The following TMEM132D variants were observed in gnomAD, a reference collection of about 807,000 sequenced individuals.
TMEM132D encodes mature OL transmembrane protein.
In TMEM132D, 21 loss-of-function variants were observed where a neutral mutation model predicts 62.3. That is an observed-to-expected ratio of 0.34 (90% CI 0.24 to 0.49). The LOEUF is 0.49. Ranked by LOEUF, TMEM132D falls within the 20% of genes least tolerant of loss-of-function variation. The probability of loss-of-function intolerance (pLI) is 0.99; values close to 1 mark genes in which losing one functional copy is unlikely to be tolerated. For missense variants in TMEM132D, 1,346 were observed against 1,402.8 expected, an observed-to-expected ratio of 0.96 and a Z score of 0.65; for synonymous variants, 621 against 575.6, an observed-to-expected ratio of 1.08 and a Z score of -1.13.
chr12:129,799,419 GTATA>G (rs1871680667), intron 1 of TMEM132D, among the ~76,000 whole-genome samples: 1 of 842 alleles, frequency 1.2e-3, no homozygotes, highest in African/African-American at 4.1e-3. Flanking sequence ...ATATATATGT[GTATA>G]TATGTGTATA....
At chr12:129,367,964 T>G (rs11060279) in intron 3 of TMEM132D, among the ~76,000 whole-genome samples, 55,493 of 151,552 alleles carry the variant, frequency 0.37, 10,479 homozygotes, top group Non-Finnish European at 0.41. Context: ...ATTTGTATTT[T>G]TAGTAGAGAT....
At chr12:129,317,297 AT>A (rs1868520586) in intron 4 of TMEM132D, among the ~76,000 whole-genome samples, 1 of 152,148 alleles carries the variant, frequency 6.6e-6, no homozygotes, top group Non-Finnish European at 1.5e-5. Flanking sequence ...TTGTTTCAAG[AT>A]TTAGAGCTCC....
chr12:129,786,680 C>T (rs994603563), intron 1 of TMEM132D, among the ~76,000 whole-genome samples: 5 of 152,160 alleles, frequency 3.3e-5, no homozygotes, highest in Admixed American at 6.5e-5. Context: ...CACCTGAGGT[C>T]GGGAGTTCGA....
At chr12:129,529,922 G>A (rs1354708880) in intron 3 of TMEM132D, among the ~76,000 whole-genome samples, 4 of 152,192 alleles carry the variant, frequency 2.6e-5, no homozygotes, top group African/African-American at 9.7e-5. Flanking sequence ...CAGTTCACCA[G>A]TATGGCACAC....
At chr12:129,090,517 A>T (rs904874253) in intron 5 of TMEM132D, among the ~76,000 whole-genome samples, 1 of 152,132 alleles carries the variant, frequency 6.6e-6, no homozygotes, top group Non-Finnish European at 1.5e-5. Flanking sequence ...ATATAAAAAA[A>T]ATTAGCCAGG....
intron 5 of TMEM132D, among the ~76,000 whole-genome samples, chr12:129,154,439 T>C (rs1306470286): frequency 1.3e-5 from 2 of 152,214 alleles, no homozygotes; most frequent in Admixed American, 6.5e-5. Context: ...TTAGCACCCA[T>C]TGCGATACAA....
intron 3 of TMEM132D, among the ~76,000 whole-genome samples, chr12:129,420,334 G>GTTTTTTTT (rs1872276742): frequency 3.8e-5 from 5 of 131,062 alleles, no homozygotes; most frequent in Non-Finnish European, 4.6e-5. Context: ...TTTTTTTGCA[G>GTTTTTTTT]TATCTGGGCC....
intron 2 of TMEM132D, among the ~76,000 whole-genome samples, chr12:129,651,609 G>A (rs2137183516): frequency 6.6e-6 from 1 of 152,260 alleles, no homozygotes; most frequent in Admixed American, 6.5e-5. Context: ...AGTTTATCTG[G>A]CACCATAATC....
chr12:129,679,814 TG>T (rs769075912), intron 2 of TMEM132D, among the ~76,000 whole-genome samples: 2 of 148,350 alleles, frequency 1.3e-5, no homozygotes, highest in Admixed American at 6.6e-5. Flanking sequence ...GTTGCTTTTT[TG>T]TTTTTCTTTC....
At chr12:129,433,847 A>T (rs979620146) in intron 3 of TMEM132D, among the ~76,000 whole-genome samples, 1 of 152,200 alleles carries the variant, frequency 6.6e-6, no homozygotes, top group Non-Finnish European at 1.5e-5. Flanking sequence ...TCATGGCAGG[A>T]GTGCATCTGA....
At chr12:129,422,585 G>A (rs778361486) in intron 3 of TMEM132D, among the ~76,000 whole-genome samples, 2 of 152,162 alleles carry the variant, frequency 1.3e-5, no homozygotes, top group Non-Finnish European at 2.9e-5. Flanking sequence ...TGCCAACAAT[G>A]TCAGGCAAAT....
At chr12:129,114,443 CCCTT>C (rs1265621519) in intron 5 of TMEM132D, among the ~76,000 whole-genome samples, 2 of 150,956 alleles carry the variant, frequency 1.3e-5, no homozygotes, top group African/African-American at 2.5e-5. Flanking sequence ...CTCCCTCCCT[CCCTT>C]TTCTTTTCTC....
intron 2 of TMEM132D, among the ~76,000 whole-genome samples, chr12:129,539,009 T>TTGGCTACTAGTGA (rs1443310731): frequency 4.5e-4 from 68 of 151,590 alleles, no homozygotes; most frequent in South Asian, 8.3e-4. Flanking sequence ...AGAAGGAGCG[T>TTGGCTACTAGTGA]CCTCTGCTGC....
chr12:129,559,468 C>T (rs1176430127), intron 2 of TMEM132D, among the ~76,000 whole-genome samples: 1 of 152,154 alleles, frequency 6.6e-6, no homozygotes, highest in Non-Finnish European at 1.5e-5. Flanking sequence ...GCACAACTCG[C>T]CCACACAAAT....
chr12:129,424,707 CAAAAA>C (rs11385383), intron 3 of TMEM132D, among the ~76,000 whole-genome samples: 2 of 31,826 alleles, frequency 6.3e-5, no homozygotes, highest in East Asian at 2.4e-3. Context: ...GACTCCATCT[CAAAAA>C]AAAAAAAAAA....
intron 4 of TMEM132D, among the ~76,000 whole-genome samples, chr12:129,217,244 C>T (rs34020668): frequency 0.31 from 47,223 of 152,032 alleles, 7,791 homozygotes; most frequent in Middle Eastern, 0.43. Flanking sequence ...AGGTCATGTC[C>T]TTTGCAGGGA....
At chr12:129,431,770 A>G (rs972939376) in intron 3 of TMEM132D, among the ~76,000 whole-genome samples, 1 of 152,150 alleles carries the variant, frequency 6.6e-6, no homozygotes, top group Non-Finnish European at 1.5e-5. Flanking sequence ...CATCCTGCTC[A>G]AGTCCCTATA....
intron 2 of TMEM132D, among the ~76,000 whole-genome samples, chr12:129,697,926 A>ACACAG (rs1565952645): frequency 6.6e-6 from 1 of 150,956 alleles, no homozygotes; most frequent in Admixed American, 6.6e-5. Context: ...CACACACACA[A>ACACAG]GCTGCATGTG....
chr12:129,891,535 C>T (rs547078395), intron 1 of TMEM132D, among the ~76,000 whole-genome samples: 7 of 152,290 alleles, frequency 4.6e-5, no homozygotes, highest in South Asian at 4.2e-4. Context: ...CTTTCAAATC[C>T]GGCTAATATC....
Sources: allele counts gnomAD v4.1 joint callset (sites outside exome capture counted in the v4.1 genomes callset), GRCh38; gene constraint gnomAD v4.1.1; transcripts MANE v1.5; gene names NCBI Gene and HGNC (gene_info 2026-07-23, HGNC 2026-07-21).